Variants in CCDC201 observed in about 807,000 individuals in gnomAD.
CCDC201 encodes the protein coiled-coil domain containing 201, also known as coiled-coil domain-containing protein 201.
upstream of CCDC201, among the ~76,000 whole-genome samples, chr7:45,877,035 C>T (rs895461707): frequency 1.4e-4 from 22 of 152,328 alleles, no homozygotes; most frequent in African/African-American, 5.3e-4. Flanking sequence ...CAGAGCCCAG[C>T]TCTTGTCATC....
At chr7:45,871,585 A>G (rs1304482527) in intron 1 of CCDC201, among the ~76,000 whole-genome samples, 1 of 152,184 alleles carries the variant, frequency 6.6e-6, no homozygotes, top group Non-Finnish European at 1.5e-5. Context: ...TAGACTACAT[A>G]TAAACTTATA....
the CCDC201 span, among the ~76,000 whole-genome samples, chr7:45,880,475 C>T: frequency 2.6e-5 from 4 of 152,110 alleles, no homozygotes; most frequent in Non-Finnish European, 5.9e-5. Flanking sequence ...GATGGGCACA[C>T]TGTATGCAGG....
the CCDC201 span, among the ~76,000 whole-genome samples, chr7:45,878,965 A>G: frequency 6.6e-6 from 1 of 152,368 alleles, no homozygotes; most frequent in Non-Finnish European, 1.5e-5. Flanking sequence ...TGATGCTATT[A>G]GAAGCAGCCA....
upstream of CCDC201, among the ~76,000 whole-genome samples, chr7:45,876,010 G>C (rs188803283): frequency 1.1e-3 from 170 of 152,298 alleles, no homozygotes; most frequent in Non-Finnish European, 1.6e-3. Context: ...AATCTGTTCT[G>C]TCACATGGGA....
At chr7:45,882,391 G>A in the CCDC201 span, among the ~76,000 whole-genome samples, 1 of 152,178 alleles carries the variant, frequency 6.6e-6, no homozygotes, top group Non-Finnish European at 1.5e-5. Flanking sequence ...CCATCTTACA[G>A]GTGAAAAAAC....
At chr7:45,863,826 A>G (rs775888127) in intron 2 of CCDC201, among the ~76,000 whole-genome samples, 65 of 152,210 alleles carry the variant, frequency 4.3e-4, no homozygotes, top group Middle Eastern at 3.4e-3. Flanking sequence ...GACAGAAGCA[A>G]ACCCACAGGA....
chr7:45,866,781 G>C (rs1583652683), intron 1 of CCDC201, among the ~76,000 whole-genome samples: 1 of 152,266 alleles, frequency 6.6e-6, no homozygotes, highest in South Asian at 2.1e-4. Context: ...TCAAGAATAG[G>C]ATTGAAGCAT....
exon 3 of CCDC201, chr7:45,862,194 A>C (rs1048588449): frequency 6.6e-6 from 1 of 152,340 alleles, no homozygotes; most frequent in Admixed American, 6.5e-5. Context: ...CAGCACTCTC[A>C]GATTTCCAGA....
chr7:45,871,667 A>G (rs1167088827), intron 1 of CCDC201, among the ~76,000 whole-genome samples: 1 of 152,234 alleles, frequency 6.6e-6, no homozygotes, highest in African/African-American at 2.4e-5. Flanking sequence ...CACAATTTCT[A>G]TAGAAGATAA....
At position 45,872,455 on chromosome 7, in the gene CCDC201, G is replaced by T. The variant is rs560940267; in HGVS notation, c.18+535C>A. Among the ~76,000 whole-genome samples the T allele has an allele frequency of 1.1e-4, 16 of 152,326 alleles. No individual in the cohort carries two copies. In the East Asian group the frequency reaches 3.1e-3, roughly 29 times the overall value. On this transcript the variant is annotated intron_variant, in intron 1 of 2. Coordinates refer to ENST00000636578, the Ensembl canonical transcript of CCDC201. ...TGTCCTGTCACTGTGCCCTGGGGCTGCTGGTCCCCTTGGTGGCCTGGCTTT... is the reference window on the plus strand; with the variant it reads ...TGTCCTGTCACTGTGCCCTGGGGCTTCTGGTCCCCTTGGTGGCCTGGCTTT...
At chr7:45,877,171 A>T (rs1786821076), upstream of CCDC201, among the ~76,000 whole-genome samples, 1 of 152,202 alleles carries the variant, frequency 6.6e-6, no homozygotes. Flanking sequence ...AACAACTTTT[A>T]GCACCTTCTC....
chr7:45,878,768 C>T, the CCDC201 span, among the ~76,000 whole-genome samples: 103 of 152,378 alleles, frequency 6.8e-4, no homozygotes, highest in African/African-American at 2.3e-3. Flanking sequence ...TTCCCATTGT[C>T]TTGGCTATTA....
upstream of CCDC201, among the ~76,000 whole-genome samples, chr7:45,875,585 A>G (rs1202159359): frequency 6.6e-6 from 1 of 152,158 alleles, no homozygotes; most frequent in African/African-American, 2.4e-5. Context: ...ATTGTTTCGC[A>G]TTTTTTCTAA....
upstream of CCDC201, chr7:45,873,095 C>T (rs975777805): frequency 1.3e-5 from 2 of 152,264 alleles, no homozygotes; most frequent in African/African-American, 4.8e-5. Flanking sequence ...CTGCTGTGTC[C>T]CCACTTAGGC....
upstream of CCDC201, among the ~76,000 whole-genome samples, chr7:45,876,198 G>T (rs746159644): frequency 1.1e-4 from 16 of 152,236 alleles, no homozygotes; most frequent in Non-Finnish European, 1.5e-4. Context: ...AGAGGACGAA[G>T]AAACCACAAT....
At chr7:45,878,490 C>A in the CCDC201 span, among the ~76,000 whole-genome samples, 1 of 152,266 alleles carries the variant, frequency 6.6e-6, no homozygotes, top group African/African-American at 2.4e-5. Context: ...CAACTCTTGC[C>A]TCTGTGCACA....
chr7:45,868,882 C>T (rs528386521), intron 1 of CCDC201, among the ~76,000 whole-genome samples: 158 of 152,314 alleles, frequency 1.0e-3, no homozygotes, highest in Non-Finnish European at 1.7e-3. Flanking sequence ...CAGTCTTAAC[C>T]TTTCTCTAGT....
the CCDC201 span, among the ~76,000 whole-genome samples, chr7:45,879,267 T>A: frequency 1.3e-5 from 2 of 152,226 alleles, no homozygotes; most frequent in African/African-American, 4.8e-5. Context: ...TGTTTTCTTC[T>A]GAGCCCTCCA....
chr7:45,873,551 C>T (rs1786765273), upstream of CCDC201, among the ~76,000 whole-genome samples: 1 of 152,190 alleles, frequency 6.6e-6, no homozygotes, highest in Non-Finnish European at 1.5e-5. Flanking sequence ...GCCCAGAGCG[C>T]TGGGCCAGCC....
Sources: allele counts gnomAD v4.1 joint callset (sites outside exome capture counted in the v4.1 genomes callset), GRCh38; gene constraint gnomAD v4.1.1; transcripts MANE v1.5; gene names NCBI Gene and HGNC (gene_info 2026-07-23, HGNC 2026-07-21).